The following SCAP variants were observed in gnomAD, a reference collection of about 807,000 sequenced individuals.
SCAP encodes SREBF chaperone, also known as sterol regulatory element-binding protein cleavage-activating protein.
A neutral mutation model predicts 123.6 loss-of-function variants in SCAP; 65 were observed. The observed-to-expected ratio is 0.53, with a 90% CI of 0.43 to 0.65. SCAP has a LOEUF of 0.65. Among genes scored for constraint, SCAP ranks in the 30% least tolerant of loss-of-function variants. The pLI, the probability that SCAP is intolerant of heterozygous loss-of-function variation, is 0.00. For synonymous variants in SCAP, 740 were observed against 726.3 expected, an observed-to-expected ratio of 1.02 and a Z score of -0.30; for missense variants, 1,398 against 1,712.5, an observed-to-expected ratio of 0.82 and a Z score of 3.24.
At chr3:47,472,900 G>A (rs1021333667) in intron 1 of SCAP, among the ~76,000 whole-genome samples, 2 of 151,870 alleles carry the variant, frequency 1.3e-5, no homozygotes, top group Non-Finnish European at 2.9e-5. Context: ...GACCAATAGG[G>A]AGAAACCTCG....
intron 1 of SCAP, among the ~76,000 whole-genome samples, chr3:47,446,381 C>T (rs1346629651): frequency 6.6e-6 from 1 of 152,070 alleles, no homozygotes; most frequent in East Asian, 1.9e-4. Context: ...CTATGTTGGC[C>T]AGGCTTGTCT....
rs370196779 is a variant in SCAP, at chr3:47,420,691, G to A, written c.1426C>T (p.Arg476Trp). The A allele has an allele frequency of 2.5e-6, 4 of 1,611,676 alleles. No individual in the cohort carries two copies. The highest frequency in any genetic ancestry group is 3.4e-6 in the Non-Finnish European group (4 of 1,179,946). ...GTGGACGGCCTCACAGCCAGCTGCC[G>A]CTCGTAGCGCGTTGGCTGTCCCACT... The part of the protein sequence containing the change: ...KPVGQPTRYE[R>W]QLAVRPSTPH... The change falls in exon 12 of 23, where the codon CGG becomes TGG. Residue 476 changes from arginine (R) to tryptophan (W), a missense_variant. Arg to Trp is a moderately radical substitution (Grantham distance 101). Coordinates refer to ENST00000265565, the MANE Select transcript of SCAP (RefSeq NM_012235.4). The surrounding 1 kb of genome is among the most constrained non-coding windows in gnomAD (Gnocchi z 5.0).
In SCAP at chr3:47,427,024, A is replaced by T. The variant is rs987727046; in HGVS notation, c.737+133T>A. On this transcript the variant is annotated intron_variant, in intron 6 of 22. Coordinates refer to ENST00000265565, the MANE Select transcript of SCAP (RefSeq NM_012235.4). ...ATCATCTAGTCTGAGGGATGTAAAC[A>T]TTCAACAGGAGGCCTGGAAACTCTC... 20 of 687,244 alleles carry T rather than the reference A, an allele frequency of 2.9e-5. No individual in the cohort carries two copies. The Middle Eastern group carries it at 1.0e-3, about 35-fold the overall frequency. The allele number at this position is 687,244 out of a possible 1,614,324, so 42.6% of individuals were successfully genotyped here. A position where few individuals can be genotyped will look rare whatever the true frequency, so the allele number is the denominator to read the frequency against.
At chr3:47,470,567 A>G (rs1041298277) in intron 1 of SCAP, among the ~76,000 whole-genome samples, 3 of 152,248 alleles carry the variant, frequency 2.0e-5, no homozygotes, top group Admixed American at 1.3e-4. Context: ...AAGGATCCCA[A>G]AGAAAAGAAC....
chr3:47,461,737 T>C (rs1707646486), intron 1 of SCAP, among the ~76,000 whole-genome samples: 2 of 152,118 alleles, frequency 1.3e-5, no homozygotes, highest in Admixed American at 6.6e-5. Flanking sequence ...TTTTAACCTA[T>C]GTAAGAGCAG....
At chr3:47,433,703 C>T (rs1159330043) in intron 3 of SCAP, among the ~76,000 whole-genome samples, 3 of 152,056 alleles carry the variant, frequency 2.0e-5, no homozygotes, top group Non-Finnish European at 2.9e-5. Flanking sequence ...CCCACCCCTA[C>T]TAAAAATACA....
Position 47,414,964 on chromosome 3 carries a change from A to G in SCAP, c.3169T>C (p.Ser1057Pro). ...GTPGRGSSPA[S>P]PVYSSSDTVA... ...GTGTCGCTGCTGCTGTACACTGGAG[A>G]GGCAGGGGAACTGCCCCGCCCTGGG... The change falls in exon 20 of 23, where the codon TCT becomes CCT. Residue 1057 changes from serine to proline, a missense_variant. Ser to Pro is a moderately conservative substitution (Grantham distance 74). Coordinates refer to ENST00000265565, the MANE Select transcript of SCAP (RefSeq NM_012235.4). The G allele has an allele frequency of 6.2e-7, 1 of 1,603,146 alleles. No homozygotes were observed. Among genetic ancestry groups the G allele is most frequent in the Non-Finnish European group, 8.5e-7 (1 of 1,175,216 alleles).
chr3:47,473,820 C>T (rs140453174), intron 1 of SCAP, among the ~76,000 whole-genome samples: 1 of 152,202 alleles, frequency 6.6e-6, no homozygotes, highest in African/African-American at 2.4e-5. Flanking sequence ...TCGCATATGC[C>T]TCCATTTTTC....
At position 47,419,557 on chromosome 3, in the gene SCAP, T is replaced by C; in HGVS notation, c.1711A>G (p.Ser571Gly). Residue 571 changes from serine to glycine, a missense_variant, in exon 13 of 23, where the codon AGC (serine) becomes GGC (glycine). By Grantham distance (56) the Ser-to-Gly change is moderately conservative. Coordinates refer to ENST00000265565, the MANE Select transcript of SCAP (RefSeq NM_012235.4). This position sits in a 1 kb window ranked among gnomAD's most constrained non-coding sequence, Gnocchi z 5.0. ...ATGGAGAAGGCAGGGTCCGGGTGGC[T>C]GGGGGGCAGCATGCCACTAGGCACG... ...MPVPSGMLPP[S>G]HPDPAFSIFP... 2 of 1,612,950 alleles carry C rather than the reference T, an allele frequency of 1.2e-6. No homozygotes were observed. Among genetic ancestry groups the C allele is most frequent in the Non-Finnish European group, 1.7e-6 (2 of 1,179,300 alleles).
At chr3:47,442,630 G>A (rs1706850103) in intron 2 of SCAP, among the ~76,000 whole-genome samples, 1 of 152,164 alleles carries the variant, frequency 6.6e-6, no homozygotes, top group Admixed American at 6.6e-5. Flanking sequence ...ACATTATTTT[G>A]AGATAGAGTA....
At chr3:47,454,435 A>C (rs899145713) in intron 1 of SCAP, among the ~76,000 whole-genome samples, 1 of 152,106 alleles carries the variant, frequency 6.6e-6, no homozygotes, top group East Asian at 1.9e-4. Context: ...ACATAAATAC[A>C]TACATATTAG....
At chr3:47,418,875 G>A in intron 13 of SCAP, 32 bp from the exon 14 acceptor site, 1 of 1,480,474 alleles carries the variant, frequency 6.8e-7, no homozygotes, top group Non-Finnish European at 8.9e-7. Context: ...CCTCAGCGGG[G>A]GGCCTCCCAG....
At chr3:47,458,259 G>A (rs763953908) in intron 1 of SCAP, among the ~76,000 whole-genome samples, 51 of 152,178 alleles carry the variant, frequency 3.4e-4, no homozygotes, top group East Asian at 1.4e-3. Context: ...GTGAAACCCC[G>A]TCTCTACTCA....
rs770671912 is a variant in SCAP, at chr3:47,419,718, G to A, written c.1564-14C>T. 4.0e-6 allele frequency: 6 copies of A among 1,514,192 alleles called. No individual in the cohort carries two copies. The South Asian group carries it at 4.0e-5, about 10-fold the overall frequency. The allele number at this position is 1,514,192 out of a possible 1,614,324, so 93.8% of individuals were successfully genotyped here. A position where few individuals can be genotyped will look rare whatever the true frequency, so the allele number is the denominator to read the frequency against. The stretch of plus-strand genomic sequence containing the variant: ...AACGGTGCCAGCCTGCAGTGGGGCA[G>A]GGGGTACTCAGTGGGAGGAATGGGC... On this transcript the variant is annotated splice_polypyrimidine_tract_variant and intron_variant, in intron 12 of 22. Transcript: ENST00000265565. This position sits in a 1 kb window ranked among gnomAD's most constrained non-coding sequence, Gnocchi z 5.0.
chr3:47,473,080 CAAAAAAA>C (rs34472664), intron 1 of SCAP, among the ~76,000 whole-genome samples: 1 of 38,060 alleles, frequency 2.6e-5, no homozygotes, highest in African/African-American at 1.2e-4. Context: ...AACTCCATCT[CAAAAAAA>C]AAAAAAAAAA....
chr3:47,413,732 A>G lies in SCAP; in HGVS notation c.*122T>C, dbSNP rs946398636. On this transcript the variant is annotated 3_prime_UTR_variant, in exon 23 of 23. Transcript: ENST00000265565. ...TGATATGGTTTTTTAAAAAAGTTTA[A>G]TATTATTACAGTCAGGAGGCAGCGG... is the stretch of plus-strand genomic sequence containing the variant. 7.5e-7 allele frequency: 1 copy of G among 1,331,656 alleles called. No homozygotes were observed. Among genetic ancestry groups the G allele is most frequent in the Non-Finnish European group, 1.0e-6 (1 of 974,816 alleles). 82.5% of individuals were successfully genotyped at this position (1,331,656 alleles called of 1,614,324 possible).
intron 6 of SCAP, 53 bp from the exon 7 acceptor site, chr3:47,426,222 G>C: frequency 6.4e-7 from 1 of 1,555,666 alleles, no homozygotes; most frequent in African/African-American, 1.4e-5. Flanking sequence ...TGGTTCTGGG[G>C]ACAAAGACAA....
At position 47,417,323 on chromosome 3, in the gene SCAP, C is replaced by T. The variant is rs367967894; in HGVS notation, c.2951G>A (p.Arg984Gln). ...ELQGNLIVVG[R>Q]SSGRLEVWDA... ...GCCCACCTCCAGCCGGCCGCTGCTC[C>T]GCCCCACCACGATGAGGTTGCCCTG... The change falls in exon 17 of 23, where the codon CGG (arginine) becomes CAG (glutamine). Residue 984 changes from arginine (R) to glutamine (Q), a missense_variant. Physicochemically the swap from Arg to Gln is conservative, Grantham distance 43. Coordinates refer to ENST00000265565, the MANE Select transcript of SCAP (RefSeq NM_012235.4). 56 of 1,611,982 alleles carry T rather than the reference C, an allele frequency of 3.5e-5. No homozygotes were observed. The highest frequency in any genetic ancestry group is 4.2e-5 in the Non-Finnish European group (49 of 1,179,706).
intron 1 of SCAP, among the ~76,000 whole-genome samples, chr3:47,470,215 T>A (rs772407314): frequency 6.6e-6 from 1 of 152,232 alleles, no homozygotes; most frequent in South Asian, 2.1e-4. Flanking sequence ...TTATTGCTGA[T>A]GCTGGCAAAC....
Sources: allele counts gnomAD v4.1 joint callset (sites outside exome capture counted in the v4.1 genomes callset), GRCh38; gene constraint gnomAD v4.1.1; non-coding constraint Gnocchi (gnomAD v3.1); transcripts MANE v1.5; gene names NCBI Gene and HGNC (gene_info 2026-07-23, HGNC 2026-07-21).